GNAQ: variants seen among roughly 807,000 people sequenced by gnomAD.
GNAQ encodes the protein G protein subunit alpha q, also known as guanine nucleotide-binding protein G(q) subunit alpha.
Under a neutral mutation model 43.9 loss-of-function variants are expected in GNAQ, and 8 were observed. The observed-to-expected ratio is 0.18, with a 90% CI of 0.11 to 0.33. GNAQ has a LOEUF of 0.33. Ranked by LOEUF, GNAQ falls within the 10% of genes least tolerant of loss-of-function variation. The pLI is 1.00. For missense variants in GNAQ, 158 were observed against 450.8 expected (o/e 0.35, Z 5.88); for synonymous variants, 155 against 170.7 (o/e 0.91, Z 0.71).
chr9:77,855,848 A>G (rs760992306), intron 2 of GNAQ, among the ~76,000 whole-genome samples: 19 of 152,078 alleles, frequency 1.2e-4, no homozygotes, highest in Non-Finnish European at 2.8e-4. Context: ...AGGAGCATCT[A>G]TTGTTATTTT....
chr9:77,822,981 G>A (rs970856796), intron 2 of GNAQ, among the ~76,000 whole-genome samples: 2 of 151,114 alleles, frequency 1.3e-5, no homozygotes, highest in African/African-American at 4.9e-5. Flanking sequence ...CACCCAGGCT[G>A]GCAGGCTGGA....
At chr9:77,992,983 T>G (rs567340608) in intron 1 of GNAQ, among the ~76,000 whole-genome samples, 6 of 152,246 alleles carry the variant, frequency 3.9e-5, no homozygotes, top group African/African-American at 1.4e-4. Flanking sequence ...TTAGGAGGAA[T>G]TAATTTTTAT....
At chr9:77,743,236 G>A (rs937875965) in intron 5 of GNAQ, among the ~76,000 whole-genome samples, 3 of 152,096 alleles carry the variant, frequency 2.0e-5, no homozygotes, top group African/African-American at 7.2e-5. Flanking sequence ...CCAGCCTCAT[G>A]ACAGAGTGAG....
chr9:77,851,326 G>A (rs1000097623), intron 2 of GNAQ, among the ~76,000 whole-genome samples: 5 of 152,116 alleles, frequency 3.3e-5, no homozygotes, highest in Non-Finnish European at 5.9e-5. Flanking sequence ...GATGCCTATT[G>A]TGTAGGACAT....
intron 1 of GNAQ, among the ~76,000 whole-genome samples, chr9:77,996,840 T>G: frequency 6.6e-6 from 1 of 152,194 alleles, no homozygotes; most frequent in East Asian, 1.9e-4. Context: ...ACTGTTCTGA[T>G]CTCATTAAAC....
chr9:77,798,897 T>C (rs976095170), intron 3 of GNAQ, among the ~76,000 whole-genome samples: 2 of 152,122 alleles, frequency 1.3e-5, no homozygotes, highest in African/African-American at 4.8e-5. Flanking sequence ...TCTAGTTCTA[T>C]GAGATTTTAT....
chr9:77,782,041 A>C (rs1332952055), intron 5 of GNAQ, among the ~76,000 whole-genome samples: 1 of 152,178 alleles, frequency 6.6e-6, no homozygotes, highest in African/African-American at 2.4e-5. Flanking sequence ...AAAGGAAATA[A>C]AAGGTACACA....
At chr9:77,820,087 C>CAAAAAAAAAAAAAAAAAAAGA (rs1827088847) in intron 2 of GNAQ, among the ~76,000 whole-genome samples, 2 of 104,990 alleles carry the variant, frequency 1.9e-5, no homozygotes, top group African/African-American at 8.1e-5. Context: ...ATTTAAAATG[C>CAAAAAAAAAAAAAAAAAAAGA]AAAAAAAAAA....
chr9:77,919,788 C>T lies in GNAQ; in HGVS notation c.321+2373G>A, dbSNP rs533960893. On this transcript the variant is annotated intron_variant, in intron 2 of 6. Transcript: ENST00000286548. Reference sequence around the variant, plus strand: ...TCTGAGGAAAACTCATATATTGTAACGTTTTATGATGTCAATTTATAACTG... The same window carrying T: ...TCTGAGGAAAACTCATATATTGTAATGTTTTATGATGTCAATTTATAACTG... Among the ~76,000 whole-genome samples the T allele has an allele frequency of 7.9e-5, 12 of 152,198 alleles. No homozygotes were observed. The South Asian group carries it at 1.2e-3, about 16-fold the overall frequency.
intron 1 of GNAQ, among the ~76,000 whole-genome samples, chr9:77,980,242 C>T (rs1026876812): frequency 5.3e-5 from 8 of 152,146 alleles, no homozygotes; most frequent in African/African-American, 2.4e-5. Flanking sequence ...GTGTATATAG[C>T]AAAAAGCATA....
At chr9:77,838,014 C>T (rs1171484361) in intron 2 of GNAQ, among the ~76,000 whole-genome samples, 3 of 151,808 alleles carry the variant, frequency 2.0e-5, no homozygotes, top group African/African-American at 7.3e-5. Flanking sequence ...TGCGCCACCA[C>T]GCCCAGCTAA....
At chr9:77,797,191 C>T (rs1048872787) in intron 4 of GNAQ, among the ~76,000 whole-genome samples, 1 of 152,068 alleles carries the variant, frequency 6.6e-6, no homozygotes, top group African/African-American at 2.4e-5. Context: ...CGCCAGCATG[C>T]CCGGCTAATT....
intron 5 of GNAQ, among the ~76,000 whole-genome samples, chr9:77,762,507 C>G (rs1011042452): frequency 7.4e-5 from 11 of 148,580 alleles, no homozygotes; most frequent in African/African-American, 7.5e-5. Context: ...CCAGCCGCCC[C>G]ACCTGGGAGG....
At chr9:77,742,367 C>A (rs1470446154) in intron 5 of GNAQ, among the ~76,000 whole-genome samples, 1 of 151,914 alleles carries the variant, frequency 6.6e-6, no homozygotes, top group Non-Finnish European at 1.5e-5. Flanking sequence ...CATTTTTTGA[C>A]AAAAAGTATT....
At chr9:77,769,664 CTT>C (rs539379703) in intron 5 of GNAQ, among the ~76,000 whole-genome samples, 16 of 129,070 alleles carry the variant, frequency 1.2e-4, no homozygotes, top group Admixed American at 7.9e-5. Flanking sequence ...GACAAGAACT[CTT>C]TTTTTTTTTT....
intron 2 of GNAQ, among the ~76,000 whole-genome samples, chr9:77,846,607 A>C (rs1292876753): frequency 6.6e-6 from 1 of 152,126 alleles, no homozygotes; most frequent in Non-Finnish European, 1.5e-5. Context: ...GGCCAGGGAG[A>C]TGGCCGAACT....
chr9:77,952,192 T>C (rs182949332), intron 1 of GNAQ, among the ~76,000 whole-genome samples: 2 of 152,320 alleles, frequency 1.3e-5, no homozygotes, highest in African/African-American at 2.4e-5. Context: ...GGTGGGTTGA[T>C]TTGAAGCAGG....
At chr9:77,830,923 A>G (rs2118551973) in intron 2 of GNAQ, among the ~76,000 whole-genome samples, 1 of 152,296 alleles carries the variant, frequency 6.6e-6, no homozygotes, top group African/African-American at 2.4e-5. Context: ...GTTTCAGTGG[A>G]GTTTTTAACC....
At chr9:77,936,430 T>C (rs996872727) in intron 1 of GNAQ, among the ~76,000 whole-genome samples, 1 of 152,038 alleles carries the variant, frequency 6.6e-6, no homozygotes, top group Non-Finnish European at 1.5e-5. Flanking sequence ...TAAACATGGT[T>C]TTAGTCTTTA....
Sources: gnomAD v4.1 joint callset for allele counts (sites outside exome capture counted in the v4.1 genomes callset) on GRCh38, gnomAD v4.1.1 for gene constraint, MANE v1.5 for transcripts, NCBI Gene and HGNC (gene_info 2026-07-23, HGNC 2026-07-21) for gene names.